RUVBL1: variants seen among roughly 807,000 people sequenced by gnomAD.
RUVBL1 encodes ruvB-like 1.
Under a neutral mutation model 52.4 loss-of-function variants are expected in RUVBL1, and 4 were observed. That is an observed-to-expected ratio of 0.08 (90% CI 0.04 to 0.17). The LOEUF is 0.17. Ranked by LOEUF, RUVBL1 falls within the 10% of genes least tolerant of loss-of-function variation. RUVBL1 has a pLI of 1.00. For synonymous variants in RUVBL1, 217 were observed against 214.4 expected, an observed-to-expected ratio of 1.01 and a Z score of -0.10; for missense variants, 298 against 572.8, an observed-to-expected ratio of 0.52 and a Z score of 4.90.
chr3:128,121,731 A>C (rs6787771), intron 1 of RUVBL1, among the ~76,000 whole-genome samples: 119,884 of 140,402 alleles, frequency 0.85, 51,393 homozygotes, highest in African/African-American at 0.91. Context: ...AAAAAAAAAA[A>C]AAACTACTAT....
At chr3:128,071,057 G>A (rs1053598402) in intron 9 of RUVBL1, 2 of 152,340 alleles carry the variant, frequency 1.3e-5, no homozygotes, top group Non-Finnish European at 2.9e-5. Flanking sequence ...ACCCCACTCT[G>A]ACAGTGGGCA....
At chr3:128,140,228 G>GTTTTTTTTTTTTTT (rs372296453) in intron 1 of RUVBL1, among the ~76,000 whole-genome samples, 3 of 53,446 alleles carry the variant, frequency 5.6e-5, no homozygotes, top group East Asian at 3.4e-4. Flanking sequence ...TTTTTTGTTT[G>GTTTTTTTTTTTTTT]TTTGTTTTTT....
chr3:128,089,689 G>A (rs927993665), intron 8 of RUVBL1, among the ~76,000 whole-genome samples: 1 of 151,964 alleles, frequency 6.6e-6, no homozygotes, highest in East Asian at 1.9e-4. Flanking sequence ...ATAAGTCACC[G>A]ACAAAAGAAC....
intron 9 of RUVBL1, among the ~76,000 whole-genome samples, chr3:128,074,874 A>G (rs12493638): frequency 6.7e-6 from 1 of 149,932 alleles, no homozygotes; most frequent in Non-Finnish European, 1.5e-5. Context: ...AACTTAAAAA[A>G]CCATAATCAA....
At chr3:128,097,234 C>T (rs1943002843) in intron 8 of RUVBL1, 66 bp downstream of exon 8, 2 of 1,463,222 alleles carry the variant, frequency 1.4e-6, no homozygotes, top group South Asian at 1.2e-5. Context: ...TTGGAGAGAT[C>T]CTGAGGAACA....
chr3:128,100,443 T>C (rs1294482354), intron 6 of RUVBL1, 152 bp downstream of exon 6: 1 of 820,330 alleles, frequency 1.2e-6, no homozygotes. Flanking sequence ...GAGTCCCTCG[T>C]AGCTCATGTC....
intron 1 of RUVBL1, among the ~76,000 whole-genome samples, chr3:128,140,931 AT>A (rs1476543450): frequency 6.6e-6 from 1 of 152,226 alleles, no homozygotes; most frequent in Non-Finnish European, 1.5e-5. Flanking sequence ...TTAAAGACAC[AT>A]TTCTCAAAAA....
chr3:128,131,915 G>T lies in RUVBL1; in HGVS notation c.-39-12501C>A, dbSNP rs186539755. Among the ~76,000 whole-genome samples the T allele has an allele frequency of 5.9e-5, 9 of 152,246 alleles. No homozygotes were observed. The East Asian group carries it at 7.7e-4, about 13-fold the overall frequency. Reference sequence around the variant, plus strand: ...ATTGAAAAACTATCCACACAAGAAGGCACCTTCATAAGAACCAAAAATCAG... The same window carrying T: ...ATTGAAAAACTATCCACACAAGAAGTCACCTTCATAAGAACCAAAAATCAG... On this transcript the variant is annotated intron_variant, in intron 1 of 9. Coordinates refer to the RUVBL1 transcript ENST00000464873.
chr3:128,068,620 G>C (rs1044323413), intron 9 of RUVBL1: 1 of 153,812 alleles, frequency 6.5e-6, no homozygotes, highest in Non-Finnish European at 1.4e-5. Flanking sequence ...GAGAGGGAGA[G>C]GGGGAGGCCA....
chr3:128,120,161 T>C (rs1943610808), intron 1 of RUVBL1, among the ~76,000 whole-genome samples: 1 of 152,180 alleles, frequency 6.6e-6, no homozygotes, highest in Non-Finnish European at 1.5e-5. Flanking sequence ...GGAACGAAAC[T>C]GTGTTTATGT....
At chr3:128,150,991 TATTA>T (rs1299193569) in intron 1 of RUVBL1, among the ~76,000 whole-genome samples, 1 of 95,070 alleles carries the variant, frequency 1.1e-5, no homozygotes, top group South Asian at 2.8e-4. Context: ...ATTCTATATA[TATTA>T]TATATATTAT....
intron 2 of RUVBL1, 135 bp downstream of exon 2, chr3:128,119,193 A>G: frequency 1.7e-6 from 1 of 583,670 alleles, no homozygotes; most frequent in Non-Finnish European, 3.0e-6. Flanking sequence ...CAATTGTATT[A>G]TTGCATATTA....
Position 128,067,535 on chromosome 3 carries a change from TAC to T in RUVBL1, c.940-2317_940-2316del. 1 of 1,614,198 alleles carries T rather than the reference TAC, an allele frequency of 6.2e-7. No individual in the cohort carries two copies. The highest frequency in any genetic ancestry group is 8.5e-7 in the Non-Finnish European group (1 of 1,180,034). ...AGAAGACCCGGTCCATGCAGTTGTA[TAC>T]ATAGTGTTCATGCTGGGCTCCTGTG... On this transcript the variant is annotated intron_variant, in intron 9 of 9. Coordinates refer to the RUVBL1 transcript ENST00000464873. The surrounding 1 kb of genome is among the most constrained non-coding windows in gnomAD (Gnocchi z 4.1).
chr3:128,120,335 G>A (rs1316235770), intron 1 of RUVBL1, among the ~76,000 whole-genome samples: 1 of 152,116 alleles, frequency 6.6e-6, no homozygotes, highest in East Asian at 1.9e-4. Flanking sequence ...TAGATCCATT[G>A]AATATGTTTT....
Position 128,140,506 on chromosome 3 carries a change from T to C in RUVBL1, c.-40+12697A>G, listed in dbSNP as rs530903840. On this transcript the variant is annotated intron_variant, in intron 1 of 9. Coordinates refer to the RUVBL1 transcript ENST00000464873. ...CTTCTGGGGCCAAAAGGGATAGAGA[T>C]GATTTTGCTGACACCTTATAGGTGG... is the stretch of plus-strand genomic sequence containing the variant. 2.6e-5 allele frequency among the ~76,000 whole-genome samples: 4 copies of C among 152,266 alleles called. No homozygotes were observed. The East Asian group carries it at 7.7e-4, about 29-fold the overall frequency.
At chr3:128,110,112 C>A (rs1195448235) in intron 3 of RUVBL1, among the ~76,000 whole-genome samples, 1 of 152,024 alleles carries the variant, frequency 6.6e-6, no homozygotes, top group Non-Finnish European at 1.5e-5. Context: ...CCACCGCACT[C>A]GGCCTACATA....
intron 2 of RUVBL1, among the ~76,000 whole-genome samples, chr3:128,117,469 C>T (rs969357634): frequency 3.3e-5 from 5 of 152,168 alleles, no homozygotes; most frequent in Non-Finnish European, 5.9e-5. Context: ...TGTCTCCAGA[C>T]GTTGTCAAAG....
chr3:128,096,824 C>CAT lies in RUVBL1; in HGVS notation c.1016+475_1016+476insAT. 1.3e-5 allele frequency among the ~76,000 whole-genome samples: 2 copies of CAT among 149,888 alleles called. 1 individual carries two copies. The highest frequency in any genetic ancestry group is 4.2e-4 in the South Asian group (2 of 4,780). On this transcript the variant is annotated intron_variant, in intron 8 of 10. Transcript: ENST00000322623. ...CCTGGGCGACACAGTGAGACTCTGT[C>CAT]CCCAAAAAAAAAAAGAAAGAAAATG...
chr3:128,092,185 T>TG (rs1942858067), intron 8 of RUVBL1, among the ~76,000 whole-genome samples: 1 of 152,220 alleles, frequency 6.6e-6, no homozygotes, highest in Non-Finnish European at 1.5e-5. Flanking sequence ...CCCTTACTTA[T>TG]GCCCTACATG....
Sources: gnomAD v4.1 joint callset for allele counts (sites outside exome capture counted in the v4.1 genomes callset) on GRCh38, gnomAD v4.1.1 for gene constraint, Gnocchi (gnomAD v3.1) non-coding constraint, MANE v1.5 for transcripts, NCBI Gene and HGNC (gene_info 2026-07-23, HGNC 2026-07-21) for gene names.